GLCCI1: variants seen among roughly 807,000 people sequenced by gnomAD.
The protein encoded by GLCCI1 is glucocorticoid induced 1.
A neutral mutation model predicts 52.2 loss-of-function variants in GLCCI1; 24 were observed. The ratio of observed to expected loss-of-function variants is 0.46; its 90% CI spans 0.33 to 0.65. The LOEUF (loss-of-function observed/expected upper bound fraction) is 0.65. Among genes scored for constraint, GLCCI1 ranks in the 30% least tolerant of loss-of-function variants. The pLI, the probability that GLCCI1 is intolerant of heterozygous loss-of-function variation, is 0.02. For missense variants in GLCCI1, 704 were observed against 701.5 expected, an observed-to-expected ratio of 1.00 and a Z score of -0.04; for synonymous variants, 310 against 276.5, an observed-to-expected ratio of 1.12 and a Z score of -1.20.
chr7:8,064,340 T>C (rs1399979920), intron 5 of GLCCI1, among the ~76,000 whole-genome samples: 1 of 152,204 alleles, frequency 6.6e-6, no homozygotes. Flanking sequence ...ATTATCCCAG[T>C]GCCATTTATT....
intron 3 of GLCCI1, among the ~76,000 whole-genome samples, chr7:8,036,906 C>A (rs893804649): frequency 1.3e-5 from 2 of 152,064 alleles, no homozygotes; most frequent in African/African-American, 4.8e-5. Context: ...TATGTAAAAC[C>A]TCCAAACCTT....
At chr7:7,970,600 C>T (rs1440651381) in intron 1 of GLCCI1, 3 of 152,582 alleles carry the variant, frequency 2.0e-5, no homozygotes, top group African/African-American at 7.2e-5. Flanking sequence ...TCAAGGATCT[C>T]AAGTTTCTTT....
chr7:7,987,438 C>T (rs1023923710), intron 1 of GLCCI1, among the ~76,000 whole-genome samples: 2 of 152,226 alleles, frequency 1.3e-5, no homozygotes, highest in Non-Finnish European at 2.9e-5. Context: ...CTTGTCATCT[C>T]ATCTGAAATG....
At chr7:8,006,880 T>G (rs932098411) in intron 2 of GLCCI1, among the ~76,000 whole-genome samples, 2 of 152,160 alleles carry the variant, frequency 1.3e-5, no homozygotes, top group Non-Finnish European at 2.9e-5. Context: ...ACACATACAC[T>G]TGGACCCACC....
intron 3 of GLCCI1, among the ~76,000 whole-genome samples, chr7:8,026,404 C>T (rs547295716): frequency 6.6e-6 from 1 of 152,188 alleles, no homozygotes; most frequent in Non-Finnish European, 1.5e-5. Flanking sequence ...CTCCCACCCC[C>T]AATGGAGTAC....
Position 8,006,990 on chromosome 7 carries a change from T to A in GLCCI1, c.609+2931T>A, listed in dbSNP as rs530610836. Among the ~76,000 whole-genome samples, 7 of 152,358 alleles carry A rather than the reference T, an allele frequency of 4.6e-5. No individual in the cohort carries two copies. In the East Asian group the frequency reaches 1.4e-3, roughly 29 times the overall value. On this transcript the variant is annotated intron_variant, in intron 2 of 7. Coordinates refer to ENST00000223145, the MANE Select transcript of GLCCI1 (RefSeq NM_138426.4). ...TACTGCTGTTTGTTCAGGAAATTCC[T>A]GGTTTTAGATTACCTGGAGTATATT...
intron 5 of GLCCI1, among the ~76,000 whole-genome samples, chr7:8,061,008 A>G (rs1782502828): frequency 6.6e-6 from 1 of 151,946 alleles, no homozygotes; most frequent in South Asian, 2.1e-4. Flanking sequence ...AATTATAGCA[A>G]TCTTAGTGGA....
chr7:8,049,025 A>G (rs1782197744), intron 3 of GLCCI1, among the ~76,000 whole-genome samples: 1 of 152,234 alleles, frequency 6.6e-6, no homozygotes, highest in African/African-American at 2.4e-5. Flanking sequence ...AAAAATTGAA[A>G]AAGATAGATT....
intron 1 of GLCCI1, among the ~76,000 whole-genome samples, chr7:7,974,722 C>T (rs1290969089): frequency 6.6e-6 from 1 of 152,108 alleles, no homozygotes; most frequent in Admixed American, 6.6e-5. Flanking sequence ...AAAATGTTCA[C>T]AGGTAGTTAA....
At chr7:8,058,021 A>G (rs979402123) in intron 4 of GLCCI1, among the ~76,000 whole-genome samples, 6 of 152,152 alleles carry the variant, frequency 3.9e-5, no homozygotes, top group African/African-American at 1.4e-4. Flanking sequence ...TTGAAGCTGG[A>G]TTATGTGTAC....
At chr7:7,988,580 T>C (rs1203495450) in intron 1 of GLCCI1, among the ~76,000 whole-genome samples, 4 of 152,032 alleles carry the variant, frequency 2.6e-5, no homozygotes, top group Non-Finnish European at 4.4e-5. Context: ...CTTTTAGGGG[T>C]AGATACGACT....
chr7:8,023,140 C>G (rs1385428220), intron 3 of GLCCI1, among the ~76,000 whole-genome samples: 1 of 152,110 alleles, frequency 6.6e-6, no homozygotes. Flanking sequence ...CTCAGCCTCC[C>G]GAGTAGCTGG....
At chr7:8,081,509 G>C (rs1478842986) in intron 6 of GLCCI1, among the ~76,000 whole-genome samples, 1 of 152,092 alleles carries the variant, frequency 6.6e-6, no homozygotes, top group East Asian at 1.9e-4. Flanking sequence ...TTGAGACAGG[G>C]TCTCACTGTC....
intron 5 of GLCCI1, among the ~76,000 whole-genome samples, chr7:8,065,191 G>A (rs995620877): frequency 6.6e-6 from 1 of 152,092 alleles, no homozygotes; most frequent in African/African-American, 2.4e-5. Context: ...ATTGTGTTCT[G>A]TATTTGTCTC....
intron 1 of GLCCI1, among the ~76,000 whole-genome samples, chr7:7,975,574 T>C (rs886270709): frequency 2.0e-5 from 3 of 152,232 alleles, no homozygotes; most frequent in Non-Finnish European, 4.4e-5. Flanking sequence ...CTGTGATTTC[T>C]AAGCTAAAAG....
chr7:8,001,456 C>G (rs1417780136), intron 1 of GLCCI1, among the ~76,000 whole-genome samples: 1 of 152,152 alleles, frequency 6.6e-6, no homozygotes, highest in Non-Finnish European at 1.5e-5. Flanking sequence ...CAGAAAACAA[C>G]AGATGCTGGA....
At chr7:7,976,651 C>G (rs899405143) in intron 1 of GLCCI1, among the ~76,000 whole-genome samples, 3 of 151,820 alleles carry the variant, frequency 2.0e-5, no homozygotes, top group Non-Finnish European at 4.4e-5. Context: ...GTGGCTCACA[C>G]CTGTAATCCC....
chr7:7,973,120 G>A (rs1350704844), intron 1 of GLCCI1, among the ~76,000 whole-genome samples: 1 of 152,178 alleles, frequency 6.6e-6, no homozygotes, highest in African/African-American at 2.4e-5. Context: ...TCCCTGTGAT[G>A]TGTTTGTAAT....
chr7:7,981,953 C>T, intron 1 of GLCCI1: 1 of 428,168 alleles, frequency 2.3e-6, no homozygotes, highest in Non-Finnish European at 4.7e-6. Context: ...AAGATGAAGA[C>T]TACATACCAA....
Sources: allele counts gnomAD v4.1 joint callset (sites outside exome capture counted in the v4.1 genomes callset), GRCh38; gene constraint gnomAD v4.1.1; transcripts MANE v1.5; gene names NCBI Gene and HGNC (gene_info 2026-07-23, HGNC 2026-07-21).